The following IGDCC3 variants were observed in gnomAD, a reference collection of about 807,000 sequenced individuals.
IGDCC3 encodes immunoglobulin superfamily DCC subclass member 3.
A neutral mutation model predicts 72.0 loss-of-function variants in IGDCC3; 47 were observed. The observed-to-expected ratio is 0.65, with a 90% CI of 0.52 to 0.83. IGDCC3 has a LOEUF of 0.83. Ranked by LOEUF, IGDCC3 falls within the 40% of genes least tolerant of loss-of-function variation. The probability of loss-of-function intolerance (pLI) is 0.00; values close to 1 mark genes in which losing one functional copy is unlikely to be tolerated. For synonymous variants in IGDCC3, 477 were observed against 472.8 expected, an observed-to-expected ratio of 1.01 and a Z score of -0.11; for missense variants, 1,038 against 1,091.3, an observed-to-expected ratio of 0.95 and a Z score of 0.69.
intron 9 of IGDCC3, 120 bp downstream of exon 9, chr15:65,330,930 C>A: frequency 8.0e-7 from 1 of 1,254,240 alleles, no homozygotes; most frequent in South Asian, 1.5e-5. Flanking sequence ...AGACTCAGCC[C>A]TGACAGCCTC....
rs752264561 is a variant in IGDCC3, at chr15:65,329,036, G to A, written c.2318C>T (p.Thr773Met). The A allele has an allele frequency of 1.6e-5, 25 of 1,612,206 alleles. No individual in the cohort carries two copies. Among genetic ancestry groups the A allele is most frequent in the Admixed American group, 3.3e-5 (2 of 59,778 alleles). Residue 773 changes from threonine (T) to methionine (M), a missense_variant, in exon 14 of 14, where the codon ACG (threonine) becomes ATG (methionine). Coordinates refer to ENST00000327987, the MANE Select transcript of IGDCC3 (RefSeq NM_004884.4). The surrounding 1 kb of genome is among the most constrained non-coding windows in gnomAD (Gnocchi z 4.1). The stretch of plus-strand genomic sequence containing the variant: ...AGCCGCCAGGCCGGCGCAGGGAGCC[G>A]TGGCCTCTGTGGTCTTCGCCTCCGT... Reference protein sequence around the residue: ...KTTEAKTTEATAPCAGLAAAP... With the variant: ...KTTEAKTTEAMAPCAGLAAAP...
chr15:65,377,571 C>T lies in IGDCC3; in HGVS notation c.103+115G>A. On this transcript the variant is annotated intron_variant, in intron 1 of 13. Transcript: ENST00000327987. The surrounding 1 kb of genome is among the most constrained non-coding windows in gnomAD (Gnocchi z 4.9). Reference sequence around the variant, plus strand: ...CCGCAGGGTCCCCCCCGCGCGGGGTCCGCCCTCAGGTCCGCGCCGCTCTCC... The same window carrying T: ...CCGCAGGGTCCCCCCCGCGCGGGGTTCGCCCTCAGGTCCGCGCCGCTCTCC... The T allele has an allele frequency of 1.8e-6, 2 of 1,084,570 alleles. No homozygotes were observed. The highest frequency in any genetic ancestry group is 3.6e-5 in the East Asian group (1 of 27,908). The allele number at this position is 1,084,570 out of a possible 1,614,324, so 67.2% of individuals were successfully genotyped here.
chr15:65,333,659 C>A (rs2090999397), intron 5 of IGDCC3, among the ~76,000 whole-genome samples: 1 of 152,198 alleles, frequency 6.6e-6, no homozygotes, highest in Admixed American at 6.5e-5. Context: ...TCACGGGCCA[C>A]CTGCAAGGCC....
At chr15:65,367,000 G>A (rs926339393) in intron 2 of IGDCC3, among the ~76,000 whole-genome samples, 1 of 152,258 alleles carries the variant, frequency 6.6e-6, no homozygotes, top group Non-Finnish European at 1.5e-5. Context: ...CAGGCCAGCA[G>A]GCTTGCCAGA....
rs1271654111 is a variant in IGDCC3 at position 65,328,385 on chromosome 15, C to T, written c.*524G>A. ...AGGGGACTTGAGGTAGGAGTGCATT[C>T]GGGCTCTGTGGGGTAAGGGGGCTGA... is the stretch of plus-strand genomic sequence containing the variant. On this transcript the variant is annotated 3_prime_UTR_variant, in exon 14 of 14. Transcript: ENST00000327987. 3 of 136,442 alleles carry T rather than the reference C, an allele frequency of 2.2e-5. No individual in the cohort carries two copies. The highest frequency in any genetic ancestry group is 2.3e-4 in the South Asian group (1 of 4,270). 8.5% of individuals were successfully genotyped at this position (136,442 alleles called of 1,614,324 possible).
At chr15:65,366,183 G>C (rs585152) in intron 2 of IGDCC3, among the ~76,000 whole-genome samples, 8,565 of 146,890 alleles carry the variant, frequency 0.058, 674 homozygotes, top group East Asian at 0.36. Flanking sequence ...ACTCCAGCCT[G>C]GGCAAAAGAG....
At chr15:65,354,221 C>T (rs1483708655) in intron 2 of IGDCC3, among the ~76,000 whole-genome samples, 3 of 152,192 alleles carry the variant, frequency 2.0e-5, no homozygotes, top group Non-Finnish European at 4.4e-5. Context: ...CCTTTATTTT[C>T]TTAATAAACT....
chr15:65,349,075 C>T (rs1275603987), intron 2 of IGDCC3, among the ~76,000 whole-genome samples: 1 of 152,174 alleles, frequency 6.6e-6, no homozygotes, highest in Non-Finnish European at 1.5e-5. Context: ...TCTTTCTTAT[C>T]TTTTCTATTA....
intron 3 of IGDCC3, 151 bp from the exon 4 acceptor site, chr15:65,335,572 C>T: frequency 1.1e-6 from 1 of 930,990 alleles, no homozygotes; most frequent in Non-Finnish European, 1.7e-6. Flanking sequence ...AAGGTGGACA[C>T]ACCCTCAATT....
rs1251003919 is a variant in IGDCC3 at position 65,375,412 on chromosome 15, G to C, written c.104-10C>G. 1 of 1,587,604 alleles carries C rather than the reference G, an allele frequency of 6.3e-7. No homozygotes were observed. The highest frequency in any genetic ancestry group is 1.1e-5 in the South Asian group (1 of 89,008). Reference sequence around the variant, plus strand: ...GCAGAGTGGCCAAGACCTGCATTGGGGAAGGGGAGATGGAAGGAAATAGGG... The same window carrying C: ...GCAGAGTGGCCAAGACCTGCATTGGCGAAGGGGAGATGGAAGGAAATAGGG... On this transcript the variant is annotated splice_polypyrimidine_tract_variant and intron_variant, in intron 1 of 13. Coordinates refer to ENST00000327987, the MANE Select transcript of IGDCC3 (RefSeq NM_004884.4).
At chr15:65,332,188 C>A in intron 6 of IGDCC3, 82 bp from the exon 7 acceptor site, 2 of 1,474,110 alleles carry the variant, frequency 1.4e-6, no homozygotes, top group South Asian at 2.6e-5. Flanking sequence ...GGGGATGGGA[C>A]TGGAGATACA....
chr15:65,348,244 C>T (rs912234967), intron 2 of IGDCC3, among the ~76,000 whole-genome samples: 21 of 152,204 alleles, frequency 1.4e-4, no homozygotes, highest in African/African-American at 4.3e-4. Context: ...TATGCAGTAG[C>T]CATTCTTTTA....
intron 2 of IGDCC3, among the ~76,000 whole-genome samples, chr15:65,370,308 G>T (rs1254230686): frequency 6.6e-6 from 1 of 151,640 alleles, no homozygotes; most frequent in Non-Finnish European, 1.5e-5. Context: ...GAGGTCAGGA[G>T]TTAGAGACCA....
At chr15:65,338,898 A>G (rs1168307733) in intron 2 of IGDCC3, among the ~76,000 whole-genome samples, 2 of 151,486 alleles carry the variant, frequency 1.3e-5, no homozygotes, top group Middle Eastern at 3.2e-3. Flanking sequence ...AAGCAATAGT[A>G]TTTTTTCTTT....
At position 65,331,070 on chromosome 15, in the gene IGDCC3, A is replaced by G. The variant is rs1182851116; in HGVS notation, c.1541T>C (p.Leu514Pro). 1.9e-6 allele frequency: 3 copies of G among 1,613,800 alleles called. No homozygotes were observed. The highest frequency in any genetic ancestry group is 2.7e-5 in the African/African-American group (2 of 74,918). Reference protein sequence around the residue: ...RGASSASVPTLASTLGEAPAP... With the variant: ...RGASSASVPTPASTLGEAPAP... The stretch of plus-strand genomic sequence containing the variant: ...CTCACCTTCACCCAGGGTGCTAGCT[A>G]GGGTGGGCACAGAGGCTGAGCTGGC... The change falls in exon 9 of 14, where the codon CTA becomes CCA. Residue 514 changes from leucine (L) to proline (P), a missense_variant. Leu to Pro is a moderately conservative substitution (Grantham distance 98, BLOSUM62 -3). Coordinates refer to ENST00000327987, the MANE Select transcript of IGDCC3 (RefSeq NM_004884.4).
At chr15:65,338,680 A>G (rs1212785120) in intron 2 of IGDCC3, among the ~76,000 whole-genome samples, 1 of 152,054 alleles carries the variant, frequency 6.6e-6, no homozygotes, top group African/African-American at 2.4e-5. Context: ...TCAGTCCTGC[A>G]TATTCCTTAG....
At chr15:65,367,300 T>A (rs1595764924) in intron 2 of IGDCC3, among the ~76,000 whole-genome samples, 1 of 130,380 alleles carries the variant, frequency 7.7e-6, no homozygotes. Context: ...TGAGCCAAGA[T>A]CACCCCACTG....
In IGDCC3 at chr15:65,331,173, T is replaced by C. The variant is rs764091980; in HGVS notation, c.1438A>G (p.Thr480Ala). ...LEYQEAVSKS[T>A]FQHLVSDLEP... ...AGGTCGCTGACCAGGTGCTGAAAGGTGCTCTTGCTGACTGCCTCCTGATAC... is the reference window on the plus strand; with the variant it reads ...AGGTCGCTGACCAGGTGCTGAAAGGCGCTCTTGCTGACTGCCTCCTGATAC... The change falls in exon 9 of 14, where the codon ACC becomes GCC. Residue 480 changes from threonine to alanine, a missense_variant. Physicochemically the swap from Thr to Ala is moderately conservative, Grantham distance 58. Coordinates refer to ENST00000327987, the MANE Select transcript of IGDCC3 (RefSeq NM_004884.4). The C allele has an allele frequency of 6.2e-7, 1 of 1,613,940 alleles. No individual in the cohort carries two copies. The highest frequency in any genetic ancestry group is 8.5e-7 in the Non-Finnish European group (1 of 1,179,982).
intron 4 of IGDCC3, 111 bp from the exon 5 acceptor site, chr15:65,334,976 C>G: frequency 7.8e-7 from 1 of 1,286,696 alleles, no homozygotes; most frequent in Non-Finnish European, 1.0e-6. Flanking sequence ...GCCCAGAAAC[C>G]AGGTCCTGTG....
Sources: gnomAD v4.1 joint callset for allele counts (sites outside exome capture counted in the v4.1 genomes callset) on GRCh38, gnomAD v4.1.1 for gene constraint, Gnocchi (gnomAD v3.1) non-coding constraint, MANE v1.5 for transcripts, NCBI Gene and HGNC (gene_info 2026-07-23, HGNC 2026-07-21) for gene names.